The following AP2A2 variants were observed in gnomAD, a reference collection of about 807,000 sequenced individuals.
AP2A2 encodes the protein adaptor related protein complex 2 subunit alpha 2.
In AP2A2, 32 loss-of-function variants were observed where a neutral mutation model predicts 104.2. That is an observed-to-expected ratio of 0.31 (90% CI 0.23 to 0.41). AP2A2 has a LOEUF of 0.41. Among genes scored for constraint, AP2A2 ranks in the 10% least tolerant of loss-of-function variants. AP2A2 has a pLI of 1.00. For missense variants in AP2A2, 912 were observed against 1,261.0 expected (o/e 0.72, Z 4.19); for synonymous variants, 539 against 533.3 (o/e 1.01, Z -0.15).
At chr11:946,269 C>G (rs950420216) in intron 1 of AP2A2, among the ~76,000 whole-genome samples, 5 of 152,172 alleles carry the variant, frequency 3.3e-5, no homozygotes, top group African/African-American at 1.2e-4. Context: ...ACCATGGTAG[C>G]TGGGAAAGCC....
chr11:970,659 C>T (rs1404257754), intron 3 of AP2A2, among the ~76,000 whole-genome samples: 1 of 152,264 alleles, frequency 6.6e-6, no homozygotes, highest in East Asian at 1.9e-4. Flanking sequence ...CTGGAGAGTG[C>T]CGCACGCGGC....
chr11:1,002,698 C>T (rs778272125), intron 15 of AP2A2, among the ~76,000 whole-genome samples: 5 of 152,260 alleles, frequency 3.3e-5, no homozygotes, highest in Non-Finnish European at 7.3e-5. Context: ...GGTCTCCATA[C>T]AGCAGGATGC....
rs536400202 is a variant in AP2A2, at chr11:935,446, G to T, written c.67+9358G>T. ...GCCTCTCAAAGTGCTGGGATTACAG[G>T]CATGAGCCACTGTGCCTGGGCGGTT... On this transcript the variant is annotated intron_variant, in intron 1 of 21. Coordinates refer to ENST00000448903, the MANE Select transcript of AP2A2 (RefSeq NM_012305.4). Among the ~76,000 whole-genome samples, 7 of 152,092 alleles carry T rather than the reference G, an allele frequency of 4.6e-5. No individual in the cohort carries two copies. In the South Asian group the frequency reaches 8.3e-4, roughly 18 times the overall value.
At chr11:956,698 G>A (rs1027548142) in intron 1 of AP2A2, 2 of 152,158 alleles carry the variant, frequency 1.3e-5, no homozygotes, top group Non-Finnish European at 2.9e-5. Context: ...TTTGTTGAGC[G>A]AGGTCCCTTT....
At chr11:999,214 T>C (rs1855949755) in intron 14 of AP2A2, among the ~76,000 whole-genome samples, 1 of 152,184 alleles carries the variant, frequency 6.6e-6, no homozygotes, top group South Asian at 2.1e-4. Context: ...GCTCTTTCCT[T>C]GTGCCTTTGC....
rs1181786345 is a variant in AP2A2, at chr11:993,967, G to A, written c.1764G>A (p.Val588=). 1.9e-6 allele frequency: 3 copies of A among 1,611,374 alleles called. No individual in the cohort carries two copies. Among genetic ancestry groups the A allele is most frequent in the Non-Finnish European group, 2.5e-6 (3 of 1,178,766 alleles). Residue 588 remains valine, a synonymous_variant, in exon 13 of 22, where the codon GTG becomes GTA. Transcript: ENST00000448903. The surrounding 1 kb of genome is among the most constrained non-coding windows in gnomAD (Gnocchi z 8.2). ...TGGAGTACCTGCGGCTCAGCACCGT[G>A]GCCAGCACCGACATTCTGGTAGGAG... ...RAVEYLRLST[V]ASTDILATVL...
rs756260341 is a variant in AP2A2, at chr11:1,010,974, C to T, written c.*349C>T. 2.9e-5 allele frequency: 21 copies of T among 718,582 alleles called. No homozygotes were observed. Among genetic ancestry groups the T allele is most frequent in the Middle Eastern group, 2.9e-4 (1 of 3,470 alleles). 44.5% of individuals were successfully genotyped at this position (718,582 alleles called of 1,614,324 possible). On this transcript the variant is annotated 3_prime_UTR_variant, in exon 22 of 22. Coordinates refer to ENST00000448903, the MANE Select transcript of AP2A2 (RefSeq NM_012305.4). ...GTGTCACTGAGATGGCCCGTGCTGC[C>T]GCCCACCCCGCCTCGGAGCCTCTGG...
chr11:953,875 C>T (rs1854140416), intron 1 of AP2A2, among the ~76,000 whole-genome samples: 1 of 150,088 alleles, frequency 6.7e-6, no homozygotes, highest in African/African-American at 2.5e-5. Flanking sequence ...TGCTCTGTTG[C>T]CCAGGCTGTA....
rs751084489 is a variant in AP2A2 at position 981,312 on chromosome 11, G to A, written c.705+13G>A. On this transcript the variant is annotated intron_variant, in intron 6 of 21. Transcript: ENST00000448903. The stretch of plus-strand genomic sequence containing the variant: ...TAGGCTAAGCAGAGTAAGTCTGTTC[G>A]TGGGGGAGCAGAAGTCAGGGTGGGT... The A allele has an allele frequency of 1.4e-5, 22 of 1,585,648 alleles. No homozygotes were observed. The highest frequency in any genetic ancestry group is 2.7e-5 in the African/African-American group (2 of 74,326).
At chr11:973,488 G>C (rs763479078) in intron 4 of AP2A2, among the ~76,000 whole-genome samples, 1 of 152,284 alleles carries the variant, frequency 6.6e-6, no homozygotes, top group South Asian at 2.1e-4. Context: ...ATTCAGAAGC[G>C]CAAGAGCTCA....
chr11:974,548 G>A (rs1854951221), intron 4 of AP2A2, among the ~76,000 whole-genome samples: 1 of 152,018 alleles, frequency 6.6e-6, no homozygotes, highest in African/African-American at 2.4e-5. Context: ...GGGTGTGGTG[G>A]TGCTCACCTG....
chr11:1,000,528 G>C lies in AP2A2; in HGVS notation c.2053G>C (p.Val685Leu), dbSNP rs776924402. 4.5e-6 allele frequency: 7 copies of C among 1,545,472 alleles called. No homozygotes were observed. Among genetic ancestry groups the C allele is most frequent in the Non-Finnish European group, 8.7e-7 (1 of 1,150,666 alleles). The change falls in exon 15 of 22, where the codon GTG becomes CTG. Residue 685 changes from valine to leucine, a missense_variant. This residue lies in a region of AP2A2 where 239 missense variants were observed against 329.8 expected (regional missense o/e 0.72). Coordinates refer to ENST00000448903, the MANE Select transcript of AP2A2 (RefSeq NM_012305.4). ...CTCCTCCGGCGGCAGCGGGCTGCTC[G>C]TGGACGTGTTCTCAGACTCGGCCTC... is the stretch of plus-strand genomic sequence containing the variant. ...PPSSGGSGLL[V>L]DVFSDSASVV... is the part of the protein sequence containing the mutation.
intron 5 of AP2A2, among the ~76,000 whole-genome samples, chr11:978,544 G>A (rs1855131561): frequency 6.6e-6 from 1 of 152,148 alleles, no homozygotes; most frequent in Non-Finnish European, 1.5e-5. Flanking sequence ...TATAGGCAAC[G>A]GAAACTCATC....
At chr11:957,624 A>G (rs981923588) in intron 1 of AP2A2, among the ~76,000 whole-genome samples, 1 of 152,214 alleles carries the variant, frequency 6.6e-6, no homozygotes, top group Non-Finnish European at 1.5e-5. Context: ...TGAGCCAGGA[A>G]CTGTAGATGA....
intron 14 of AP2A2, chr11:995,520 G>A (rs1855822391): frequency 2.2e-6 from 1 of 447,622 alleles, no homozygotes; most frequent in Admixed American, 2.4e-5. Context: ...CCCAGTATCG[G>A]CAGGGCTTTG....
intron 3 of AP2A2, among the ~76,000 whole-genome samples, chr11:970,969 A>G (rs954271556): frequency 1.3e-5 from 2 of 152,078 alleles, no homozygotes; most frequent in East Asian, 1.9e-4. Context: ...TTGCAGTCAC[A>G]TTATTTCTAT....
chr11:969,904 C>T (rs534928066), intron 2 of AP2A2, among the ~76,000 whole-genome samples: 5 of 152,228 alleles, frequency 3.3e-5, no homozygotes, highest in African/African-American at 1.2e-4. Flanking sequence ...CCAGGGTTGT[C>T]GTGGGAGGGT....
chr11:989,281 C>G (rs7949969), intron 10 of AP2A2, among the ~76,000 whole-genome samples: 7 of 151,678 alleles, frequency 4.6e-5, no homozygotes, highest in African/African-American at 1.7e-4. Flanking sequence ...TGTGGTGAGC[C>G]GAGATTGCGC....
Position 994,208 on chromosome 11 carries a change from G to T in AP2A2, c.1919G>T (p.Gly640Val). Residue 640 changes from glycine (G) to valine (V), a missense_variant, in exon 14 of 22, where the codon GGG becomes GTG. This residue lies in a region of AP2A2 where 105 missense variants were observed against 90.9 expected (regional missense o/e 1.16). Coordinates refer to ENST00000448903, the MANE Select transcript of AP2A2 (RefSeq NM_012305.4). ...CGGGACAGGAGTGTGGACGTGAACGGGGGTCCTGAGCCTGCCCCAGCCAGT... is the reference window on the plus strand; with the variant it reads ...CGGGACAGGAGTGTGGACGTGAACGTGGGTCCTGAGCCTGCCCCAGCCAGT... ...TKRDRSVDVN[G>V]GPEPAPASTS... is the part of the protein sequence containing the mutation. The T allele has an allele frequency of 6.2e-7, 1 of 1,612,908 alleles. No individual in the cohort carries two copies.
Sources: allele counts gnomAD v4.1 joint callset (sites outside exome capture counted in the v4.1 genomes callset), GRCh38; gene constraint gnomAD v4.1.1; regional missense constraint gnomAD v4.1.1; non-coding constraint Gnocchi (gnomAD v3.1); transcripts MANE v1.5; gene names NCBI Gene and HGNC (gene_info 2026-07-23, HGNC 2026-07-21).